The following CYP3A7 variants were observed in gnomAD, a reference collection of about 807,000 sequenced individuals.
The protein encoded by CYP3A7 is cytochrome P450 family 3 subfamily A member 7.
A neutral mutation model predicts 55.2 loss-of-function variants in CYP3A7; 45 were observed. The observed-to-expected ratio is 0.82, with a 90% CI of 0.64 to 1.05. The LOEUF is 1.05. CYP3A7 is among the 50% of genes least tolerant of loss of function. CYP3A7 has a pLI of 0.00. For synonymous variants in CYP3A7, 180 were observed against 207.4 expected (o/e 0.87, Z 1.13); for missense variants, 548 against 605.3 (o/e 0.91, Z 0.99).
intron 8 of CYP3A7, 92 bp downstream of exon 8, chr7:99,714,463 T>C: frequency 6.4e-7 from 1 of 1,561,650 alleles, no homozygotes. Flanking sequence ...AATCTTTCTC[T>C]AAAAACATAC....
In CYP3A7 at chr7:99,735,195, G is replaced by A; in HGVS notation, c.-102C>T. ...TGGAGCTTTCCTGCCCTGCACAGCA[G>A]TGATTCAGTGAGGCTGTTGGATTGT... On this transcript the variant is annotated 5_prime_UTR_variant, in exon 1 of 13. Coordinates refer to ENST00000336374, the MANE Select transcript of CYP3A7 (RefSeq NM_000765.5). 3.5e-6 allele frequency: 5 copies of A among 1,448,622 alleles called. No individual in the cohort carries two copies. Among genetic ancestry groups the A allele is most frequent in the Non-Finnish European group, 4.8e-6 (5 of 1,043,440 alleles). 89.7% of individuals were successfully genotyped at this position (1,448,622 alleles called of 1,614,324 possible).
chr7:99,728,671 A>G (rs534499925), intron 2 of CYP3A7, among the ~76,000 whole-genome samples: 1 of 152,282 alleles, frequency 6.6e-6, no homozygotes, highest in East Asian at 1.9e-4. Context: ...AAAAAATTCA[A>G]TTTGCAAATG....
chr7:99,735,057 G>A lies in CYP3A7; in HGVS notation c.37C>T (p.Leu13Phe). The stretch of plus-strand genomic sequence containing the variant: ...AGTATCAGGCTGACAGCCAGGAGAA[G>A]CCAGGTTTCCACGGCCAAGTTTGGG... The part of the protein sequence containing the change: ...LIPNLAVETW[L>F]LLAVSLILLY... Residue 13 changes from leucine (L) to phenylalanine (F), a missense_variant, in exon 1 of 13, where the codon CTT becomes TTT. By Grantham distance (22) the Leu-to-Phe change is conservative. Transcript: ENST00000336374. 1 of 1,614,112 alleles carries A rather than the reference G, an allele frequency of 6.2e-7. No homozygotes were observed. Among genetic ancestry groups the A allele is most frequent in the Non-Finnish European group, 8.5e-7 (1 of 1,179,984 alleles).
In CYP3A7 at chr7:99,720,531, A is replaced by G. The variant is rs940745297; in HGVS notation, c.219-119T>C. The G allele has an allele frequency of 1.0e-5, 11 of 1,079,984 alleles. No individual in the cohort carries two copies. In the African/African-American group the frequency reaches 1.7e-4, roughly 17 times the overall value. 66.9% of individuals were successfully genotyped at this position (1,079,984 alleles called of 1,614,324 possible). Reference sequence around the variant, plus strand: ...ATAATCCTCTAGATGTACAATACACAGTAATCTTAAGTTCTAGTTCATTAG... The same window carrying G: ...ATAATCCTCTAGATGTACAATACACGGTAATCTTAAGTTCTAGTTCATTAG... On this transcript the variant is annotated intron_variant, in intron 3 of 12. Transcript: ENST00000336374.
chr7:99,720,297 A>G lies in CYP3A7; in HGVS notation c.318+16T>C, dbSNP rs2151518780. On this transcript the variant is annotated intron_variant, in intron 4 of 12. Transcript: ENST00000336374. ...TCAATCAATGAGTATTTTAATTTCAAAAAATGGATGCTTACCCTCCGGTTT... is the reference window on the plus strand; with the variant it reads ...TCAATCAATGAGTATTTTAATTTCAGAAAATGGATGCTTACCCTCCGGTTT... The G allele has an allele frequency of 6.2e-7, 1 of 1,611,786 alleles. No homozygotes were observed. Among genetic ancestry groups the G allele is most frequent in the Middle Eastern group, 2.2e-4 (1 of 4,646 alleles).
chr7:99,727,528 A>C (rs1814459845), intron 2 of CYP3A7, among the ~76,000 whole-genome samples: 1 of 152,082 alleles, frequency 6.6e-6, no homozygotes, highest in Non-Finnish European at 1.5e-5. Context: ...ACCACACCTT[A>C]TCCCCATGAC....
At chr7:99,716,942 T>A (rs1813974142) in intron 6 of CYP3A7, among the ~76,000 whole-genome samples, 1 of 152,176 alleles carries the variant, frequency 6.6e-6, no homozygotes, top group South Asian at 2.1e-4. Context: ...AGGTGACAAT[T>A]TAACAGATAT....
At chr7:99,713,841 C>T (rs1178172593) in intron 8 of CYP3A7, among the ~76,000 whole-genome samples, 6 of 152,204 alleles carry the variant, frequency 3.9e-5, no homozygotes, top group African/African-American at 1.4e-4. Context: ...CACCAATGTC[C>T]ACAAAGATTA....
chr7:99,715,952 CA>C (rs1813929709), intron 6 of CYP3A7, 46 bp from the exon 7 acceptor site: 1 of 1,612,292 alleles, frequency 6.2e-7, no homozygotes, highest in East Asian at 2.2e-5. Context: ...ACCTCTTTAC[CA>C]TCCTTCCTCT....
At chr7:99,711,456 T>C (rs942717171) in intron 9 of CYP3A7, among the ~76,000 whole-genome samples, 3 of 152,166 alleles carry the variant, frequency 2.0e-5, no homozygotes, top group African/African-American at 4.8e-5. Context: ...CCGTGGATCA[T>C]AAGCATCTGT....
chr7:99,731,056 C>T lies in CYP3A7; in HGVS notation c.165+3G>A. ...GCAAAAGAGGAAGCTCAAAAACACT[C>T]ACCTTACGGAAGGACAAAGCATTTC... On this transcript the variant is annotated splice_donor_region_variant and intron_variant, in intron 2 of 12. Coordinates refer to ENST00000336374, the MANE Select transcript of CYP3A7 (RefSeq NM_000765.5). The T allele has an allele frequency of 6.2e-7, 1 of 1,613,776 alleles. No individual in the cohort carries two copies. Among genetic ancestry groups the T allele is most frequent in the Non-Finnish European group, 8.5e-7 (1 of 1,179,742 alleles).
chr7:99,720,176 T>G, intron 4 of CYP3A7, 137 bp downstream of exon 4: 1 of 1,034,144 alleles, frequency 9.7e-7, no homozygotes. Flanking sequence ...GATGTTACCA[T>G]GGGGGATGGG....
intron 6 of CYP3A7, among the ~76,000 whole-genome samples, chr7:99,716,700 G>T (rs1345295044): frequency 6.6e-6 from 1 of 152,058 alleles, no homozygotes; most frequent in Non-Finnish European, 1.5e-5. Context: ...GGAGGAAAAA[G>T]AAATGGTGGG....
rs779044076 is a variant in CYP3A7 at position 99,717,591 on chromosome 7, C to G, written c.367G>C (p.Asp123His). Residue 123 changes from aspartate to histidine, a missense_variant, in exon 5 of 13, where the codon GAT becomes CAT. By Grantham distance (81) the Asp-to-His change is moderately conservative (BLOSUM62 -1). Coordinates refer to ENST00000336374, the MANE Select transcript of CYP3A7 (RefSeq NM_000765.5). ...FMKNAISIAEDEEWKRIRSLL... is the reference protein window; with the variant it reads ...FMKNAISIAEHEEWKRIRSLL... ...GATCGTATTCTCTTCCATTCTTCAT[C>G]CTCAGCTATAGAGATGGCATTTTTC... 6.2e-7 allele frequency: 1 copy of G among 1,613,750 alleles called. No homozygotes were observed. The highest frequency in any genetic ancestry group is 1.7e-5 in the Admixed American group (1 of 59,988).
chr7:99,709,788 G>GTGTGTATA (rs547026731), intron 10 of CYP3A7, among the ~76,000 whole-genome samples: 1 of 150,228 alleles, frequency 6.7e-6, no homozygotes, highest in East Asian at 1.9e-4. Flanking sequence ...GTGTGTGTGT[G>GTGTGTATA]TATATATATA....
At chr7:99,715,519 G>A in intron 7 of CYP3A7, 1 of 577,308 alleles carries the variant, frequency 1.7e-6, no homozygotes, top group Non-Finnish European at 2.9e-6. Flanking sequence ...AAGTTGACTA[G>A]TGGTTATATA....
rs1179181082 is a variant in CYP3A7 at position 99,711,548 on chromosome 7, C to A, written c.866-656G>T. Among the ~76,000 whole-genome samples, 4 of 152,278 alleles carry A rather than the reference C, an allele frequency of 2.6e-5. No individual in the cohort carries two copies. In the East Asian group the frequency reaches 5.8e-4, roughly 22 times the overall value. On this transcript the variant is annotated intron_variant, in intron 9 of 12. Transcript: ENST00000336374. ...CTTTGGGAGGCCAAGGTGGGTGGAT[C>A]ACCCGAGGTCAGGAGTTCAAGACCA...
intron 4 of CYP3A7, among the ~76,000 whole-genome samples, chr7:99,719,173 A>G (rs1201303064): frequency 6.6e-6 from 1 of 152,222 alleles, no homozygotes; most frequent in East Asian, 1.9e-4. Context: ...ATGGAAAAGC[A>G]GAGGACCAGG....
intron 2 of CYP3A7, 119 bp downstream of exon 2, chr7:99,730,940 G>T: frequency 2.2e-6 from 3 of 1,341,668 alleles, no homozygotes; most frequent in Non-Finnish European, 3.1e-6. Flanking sequence ...ATGCCTACAC[G>T]CTATTTCTGA....
Sources: gnomAD v4.1 joint callset for allele counts (sites outside exome capture counted in the v4.1 genomes callset) on GRCh38, gnomAD v4.1.1 for gene constraint, MANE v1.5 for transcripts, NCBI Gene and HGNC (gene_info 2026-07-23, HGNC 2026-07-21) for gene names.